Variants in CNTNAP2 observed in about 807,000 individuals in gnomAD.
CNTNAP2 encodes contactin associated protein 2.
In CNTNAP2, 98 loss-of-function variants were observed where a neutral mutation model predicts 155.2. That is an observed-to-expected ratio of 0.63 (90% CI 0.54 to 0.75). CNTNAP2 has a LOEUF of 0.75. Ranked by LOEUF, CNTNAP2 falls within the 30% of genes least tolerant of loss-of-function variation. The probability of loss-of-function intolerance (pLI) is 0.00; values close to 1 mark genes in which losing one functional copy is unlikely to be tolerated. For missense variants in CNTNAP2, 1,727 were observed against 1,688.1 expected (o/e 1.02, Z -0.40); for synonymous variants, 651 against 631.2 (o/e 1.03, Z -0.47).
At chr7:147,738,870 G>T (rs922735928) in intron 13 of CNTNAP2, among the ~76,000 whole-genome samples, 1 of 152,144 alleles carries the variant, frequency 6.6e-6, no homozygotes, top group African/African-American at 2.4e-5. Context: ...GGCCAGGCTG[G>T]TCTTGAACTC....
At chr7:146,823,501 A>G (rs1384921355) in intron 2 of CNTNAP2, among the ~76,000 whole-genome samples, 196 of 134,670 alleles carry the variant, frequency 1.5e-3, no homozygotes, top group African/African-American at 5.9e-3. Context: ...GTATATTTAC[A>G]TGGAAATATA....
At chr7:147,631,405 CT>C (rs1229497829) in intron 12 of CNTNAP2, among the ~76,000 whole-genome samples, 2 of 152,136 alleles carry the variant, frequency 1.3e-5, no homozygotes, top group African/African-American at 4.8e-5. Flanking sequence ...AATGACCATA[CT>C]GCCAAAATCA....
chr7:148,037,546 A>G (rs1298403078), intron 15 of CNTNAP2, among the ~76,000 whole-genome samples: 4 of 152,172 alleles, frequency 2.6e-5, no homozygotes, highest in African/African-American at 9.7e-5. Flanking sequence ...AACTCGTATA[A>G]AATCTGTGTT....
At chr7:146,997,241 T>G (rs1798328982) in intron 3 of CNTNAP2, among the ~76,000 whole-genome samples, 1 of 152,126 alleles carries the variant, frequency 6.6e-6, no homozygotes, top group African/African-American at 2.4e-5. Flanking sequence ...TGTTGAGGTA[T>G]TTGTCTATAC....
At position 146,417,266 on chromosome 7, in the gene CNTNAP2, G is replaced by T. The variant is rs546175245; in HGVS notation, c.97+300293G>T. 2.6e-5 allele frequency among the ~76,000 whole-genome samples: 4 copies of T among 152,202 alleles called. No individual in the cohort carries two copies. In the East Asian group the frequency reaches 7.7e-4, roughly 29 times the overall value. On this transcript the variant is annotated intron_variant, in intron 1 of 23. Coordinates refer to ENST00000361727, the MANE Select transcript of CNTNAP2 (RefSeq NM_014141.6). ...CTTGGCAAAGCTTATGAGACTTTAT[G>T]TCAGTTTTCTACTTGAATTATAGTT...
chr7:147,703,567 C>A (rs1796266496), intron 13 of CNTNAP2, among the ~76,000 whole-genome samples: 2 of 152,052 alleles, frequency 1.3e-5, no homozygotes, highest in South Asian at 4.2e-4. Flanking sequence ...AGCAGTTGAT[C>A]CATGATTTTT....
intron 1 of CNTNAP2, among the ~76,000 whole-genome samples, chr7:146,504,095 T>C (rs1797346354): frequency 6.6e-6 from 1 of 152,252 alleles, no homozygotes; most frequent in Non-Finnish European, 1.5e-5. Flanking sequence ...TGTGTCATGC[T>C]GTACCAGATG....
chr7:148,067,041 A>C (rs746910493), intron 15 of CNTNAP2, among the ~76,000 whole-genome samples: 69 of 151,702 alleles, frequency 4.5e-4, no homozygotes, highest in Non-Finnish European at 8.8e-4. Context: ...GTTGGTTTTC[A>C]CCTTTCTCTG....
rs117629173 is a variant in CNTNAP2 at position 147,834,675 on chromosome 7, C to T, written c.2099-68890C>T. On this transcript the variant is annotated intron_variant, in intron 13 of 23. Transcript: ENST00000361727. ...TGGCTACATGAACTCAAACCCCAGA[C>T]GTATGGAGAAAGAATCACTTTCAAT... 3.1e-3 allele frequency among the ~76,000 whole-genome samples: 473 copies of T among 152,192 alleles called. 8 individuals are homozygous for T. In the East Asian group the frequency reaches 0.034, roughly 11 times the overall value.
At chr7:146,622,983 GA>G (rs35834750) in intron 1 of CNTNAP2, among the ~76,000 whole-genome samples, 12,317 of 140,676 alleles carry the variant, frequency 0.088, 564 homozygotes, top group African/African-American at 0.12. Flanking sequence ...AAAGAAAAAA[GA>G]AAAAAAAAAA....
At chr7:148,024,505 A>C (rs1312723246) in intron 15 of CNTNAP2, among the ~76,000 whole-genome samples, 1 of 152,170 alleles carries the variant, frequency 6.6e-6, no homozygotes, top group Non-Finnish European at 1.5e-5. Flanking sequence ...TCAGTCCGCT[A>C]TGATACTTTA....
At chr7:147,222,738 G>A (rs1300655204) in intron 8 of CNTNAP2, among the ~76,000 whole-genome samples, 1 of 151,240 alleles carries the variant, frequency 6.6e-6, no homozygotes, top group Non-Finnish European at 1.5e-5. Flanking sequence ...ATGTTCTACA[G>A]TACTCTGATT....
rs1554447441 is a variant in CNTNAP2, at chr7:146,550,415, T to TTTGTTTG, written c.98-223854_98-223853insGTTTGTT. ...TCCATTAATCTGTTTTTTTTTTTTTTTTTTTTTTTTTTTTATAAAGTACCC... is the reference window on the plus strand; with the variant it reads ...TCCATTAATCTGTTTTTTTTTTTTTTTTGTTTGTTTTTTTTTTTTTTATAAAGTACCC... On this transcript the variant is annotated intron_variant, in intron 1 of 23. Coordinates refer to ENST00000361727, the MANE Select transcript of CNTNAP2 (RefSeq NM_014141.6). 8.3e-4 allele frequency among the ~76,000 whole-genome samples: 96 copies of TTTGTTTG among 115,820 alleles called. 1 individual carries two copies. The highest frequency in any genetic ancestry group is 4.6e-3 in the Middle Eastern group (1 of 218). 76.0% of individuals were successfully genotyped at this position (115,820 alleles called of 152,430 possible).
chr7:147,818,254 C>A (rs1798306972), intron 13 of CNTNAP2, among the ~76,000 whole-genome samples: 1 of 151,902 alleles, frequency 6.6e-6, no homozygotes, highest in Non-Finnish European at 1.5e-5. Context: ...GTATCTCAGG[C>A]CTATGTTCAT....
At chr7:146,937,235 GA>G (rs1796934973) in intron 3 of CNTNAP2, among the ~76,000 whole-genome samples, 2 of 151,648 alleles carry the variant, frequency 1.3e-5, no homozygotes, top group South Asian at 4.2e-4. Context: ...AAAAAAAATA[GA>G]AAAACTTAGC....
chr7:147,452,926 T>A, intron 10 of CNTNAP2, among the ~76,000 whole-genome samples: 4 of 106,892 alleles, frequency 3.7e-5, no homozygotes, highest in African/African-American at 7.5e-5. Context: ...CTAGAAAAAA[T>A]AGAATGGGAG....
chr7:147,130,448 TC>T (rs1801329656), intron 7 of CNTNAP2, among the ~76,000 whole-genome samples: 1 of 151,580 alleles, frequency 6.6e-6, no homozygotes. Context: ...TGAGACTCTG[TC>T]CCCCCAAAAA....
chr7:146,380,331 A>G (rs930016167), intron 1 of CNTNAP2, among the ~76,000 whole-genome samples: 3 of 152,198 alleles, frequency 2.0e-5, no homozygotes, highest in African/African-American at 7.2e-5. Flanking sequence ...TATATCTCAT[A>G]TTTTTATGAA....
intron 13 of CNTNAP2, among the ~76,000 whole-genome samples, chr7:147,694,922 C>T (rs1473737109): frequency 3.3e-5 from 5 of 152,016 alleles, no homozygotes; most frequent in African/African-American, 4.8e-5. Context: ...AAAACTAAGG[C>T]AGAAGTTTAT....
Sources: allele counts gnomAD v4.1 joint callset (sites outside exome capture counted in the v4.1 genomes callset), GRCh38; gene constraint gnomAD v4.1.1; transcripts MANE v1.5; gene names NCBI Gene and HGNC (gene_info 2026-07-23, HGNC 2026-07-21).